GJA3: variants seen among roughly 807,000 people sequenced by gnomAD.
GJA3 encodes gap junction protein alpha 3, also known as gap junction alpha-3 protein.
For missense variants in GJA3, 571 were observed against 620.3 expected (o/e 0.92, Z 0.84); for synonymous variants, 297 against 292.6 (o/e 1.02, Z -0.15).
Position 20,142,345 on chromosome 13 carries a change from T to C in GJA3, c.944A>G (p.Tyr315Cys), listed in dbSNP as rs771617085. Residue 315 changes from tyrosine to cysteine, a missense_variant, in exon 2 of 2, where the codon TAC (tyrosine) becomes TGC (cysteine). Transcript: ENST00000241125. ...CATCAGCAGGTGGTGGTGGCCGTTG[T>C]AGAGCTTGGCGGACTGGCCCTTTCC... The part of the protein sequence containing the change: ...ARGKGQSAKL[Y>C]NGHHHLLMTE... 1.3e-6 allele frequency: 2 copies of C among 1,557,288 alleles called. No homozygotes were observed. Among genetic ancestry groups the C allele is most frequent in the Middle Eastern group, 1.7e-4 (1 of 5,944 alleles).
chr13:20,147,396 T>A (rs1478824517), intron 1 of GJA3, among the ~76,000 whole-genome samples: 5 of 152,206 alleles, frequency 3.3e-5, no homozygotes, highest in African/African-American at 1.2e-4. Context: ...TAAAGTCTGG[T>A]AAAAATGAAA....
At chr13:20,160,200 G>A (rs34509316) in intron 1 of GJA3, among the ~76,000 whole-genome samples, 113 of 152,300 alleles carry the variant, frequency 7.4e-4, no homozygotes, top group Non-Finnish European at 1.5e-3. Flanking sequence ...CCTACGGGAA[G>A]GGGCTCGGAC....
upstream of GJA3, among the ~76,000 whole-genome samples, chr13:20,161,313 T>G (rs1447647891): frequency 6.6e-6 from 1 of 152,030 alleles, no homozygotes; most frequent in Non-Finnish European, 1.5e-5. Flanking sequence ...CCCTGCCGCC[T>G]ACGCACTCCG....
intron 1 of GJA3, among the ~76,000 whole-genome samples, chr13:20,153,841 A>G (rs550124095): frequency 2.1e-4 from 32 of 152,214 alleles, no homozygotes; most frequent in Non-Finnish European, 3.7e-4. Context: ...AAGCTGGTTT[A>G]GAGTCACTTA....
chr13:20,145,691 C>T (rs147534480), intron 1 of GJA3, among the ~76,000 whole-genome samples: 22 of 152,350 alleles, frequency 1.4e-4, no homozygotes, highest in Non-Finnish European at 2.5e-4. Context: ...GGCCTCTGTA[C>T]ATGCTGTTTC....
In GJA3 at chr13:20,145,004, A is replaced by G. The variant is rs1237875788; in HGVS notation, c.-17-1699T>C. Among the ~76,000 whole-genome samples, 4 of 152,288 alleles carry G rather than the reference A, an allele frequency of 2.6e-5. No individual in the cohort carries two copies. In the East Asian group the frequency reaches 7.7e-4, roughly 29 times the overall value. On this transcript the variant is annotated intron_variant, in intron 1 of 1. Transcript: ENST00000241125. ...AAGAATAGCCTGGCCCACATGGTGA[A>G]ACCTCATCTCTACTAATAATACATA...
intron 1 of GJA3, among the ~76,000 whole-genome samples, chr13:20,154,906 A>G (rs1453222923): frequency 1.3e-5 from 2 of 152,210 alleles, no homozygotes; most frequent in Non-Finnish European, 2.9e-5. Context: ...GATGGAATAC[A>G]GTGGCATGAT....
At chr13:20,150,302 C>T (rs916074456) in intron 1 of GJA3, among the ~76,000 whole-genome samples, 2 of 151,760 alleles carry the variant, frequency 1.3e-5, no homozygotes, top group Admixed American at 1.3e-4. Flanking sequence ...TGCACTGCAG[C>T]TTCCCCTTTC....
chr13:20,145,554 CA>C (rs1958836804), intron 1 of GJA3, among the ~76,000 whole-genome samples: 1 of 152,204 alleles, frequency 6.6e-6, no homozygotes, highest in Admixed American at 6.5e-5. Flanking sequence ...ACCAGGCCCC[CA>C]ATGGCATCTA....
chr13:20,146,130 G>A (rs1264029885), intron 1 of GJA3, among the ~76,000 whole-genome samples: 9 of 152,194 alleles, frequency 5.9e-5, no homozygotes, highest in African/African-American at 2.2e-4. Context: ...CCTCATACTT[G>A]CTCCAGCAGT....
Position 20,141,952 on chromosome 13 carries a change from A to T in GJA3, c.*29T>A, listed in dbSNP as rs1480162444. On this transcript the variant is annotated 3_prime_UTR_variant, in exon 2 of 2. Coordinates refer to ENST00000241125, the MANE Select transcript of GJA3 (RefSeq NM_021954.4). ...TGGTTTCTAAGAAAAAGATCACTAC[A>T]CAGCTGTCTGGAGGCAGGCACCCGG... 3.2e-6 allele frequency: 5 copies of T among 1,549,682 alleles called. No homozygotes were observed. The highest frequency in any genetic ancestry group is 4.4e-6 in the Non-Finnish European group (5 of 1,146,462).
rs191697419 is a variant in GJA3 at position 20,140,079 on chromosome 13, T to A, written c.*1902A>T. 1 of 152,322 alleles carries A rather than the reference T, an allele frequency of 6.6e-6. No individual in the cohort carries two copies. Among genetic ancestry groups the A allele is most frequent in the Admixed American group, 6.5e-5 (1 of 15,292 alleles). 9.4% of individuals were successfully genotyped at this position (152,322 alleles called of 1,614,324 possible). A position where few individuals can be genotyped will look rare whatever the true frequency, so the allele number is the denominator to read the frequency against. On this transcript the variant is annotated 3_prime_UTR_variant, in exon 2 of 2. Transcript: ENST00000241125. ...GGCCTATGGCATACACTGCATGTAA[T>A]GAGTGAACTTCGGAGAGAAGTTATG... is the stretch of plus-strand genomic sequence containing the variant.
intron 1 of GJA3, among the ~76,000 whole-genome samples, chr13:20,158,719 C>A (rs61950898): frequency 0.036 from 5,431 of 151,736 alleles, 148 homozygotes; most frequent in Non-Finnish European, 0.054. Context: ...TGAGACCAGC[C>A]TGTCCAACAT....
chr13:20,142,805 C>T lies in GJA3; in HGVS notation c.484G>A (p.Gly162Ser), dbSNP rs1376657755. 5 of 1,613,660 alleles carry T rather than the reference C, an allele frequency of 3.1e-6. No homozygotes were observed. In the South Asian group the frequency reaches 5.5e-5, roughly 18 times the overall value. ...AGAAAGTACTGGCCGGCGATGAAGCCCACCTCGAACAGCGTCTTGAAGATG... is the reference window on the plus strand; with the variant it reads ...AGAAAGTACTGGCCGGCGATGAAGCTCACCTCGAACAGCGTCTTGAAGATG... The part of the protein sequence containing the change: ...NIIFKTLFEV[G>S]FIAGQYFLYG... Residue 162 changes from glycine (G) to serine (S), a missense_variant, in exon 2 of 2, where the codon GGC becomes AGC. Physicochemically the swap from Gly to Ser is moderately conservative, Grantham distance 56. Transcript: ENST00000241125.
At position 20,141,226 on chromosome 13, in the gene GJA3, T is replaced by C. The variant is rs1333891124; in HGVS notation, c.*755A>G. On this transcript the variant is annotated 3_prime_UTR_variant, in exon 2 of 2. Coordinates refer to ENST00000241125, the MANE Select transcript of GJA3 (RefSeq NM_021954.4). Reference sequence around the variant, plus strand: ...ACAAAATAATCATTTAGAAAATAAATACCTACGGCATACCCGACACACTTT... The same window carrying C: ...ACAAAATAATCATTTAGAAAATAAACACCTACGGCATACCCGACACACTTT... 6.6e-6 allele frequency: 1 copy of C among 152,184 alleles called. No homozygotes were observed. The highest frequency in any genetic ancestry group is 1.5e-5 in the Non-Finnish European group (1 of 68,016). 9.4% of individuals were successfully genotyped at this position (152,184 alleles called of 1,614,324 possible).
In GJA3 at chr13:20,139,941, G is replaced by A. The variant is rs1958797686; in HGVS notation, c.*2040C>T. Reference sequence around the variant, plus strand: ...TACTTGAGCTGTACTTGTGCTCTTGGATGATTGCTATTGCATTTTCTAAAA... The same window carrying A: ...TACTTGAGCTGTACTTGTGCTCTTGAATGATTGCTATTGCATTTTCTAAAA... On this transcript the variant is annotated 3_prime_UTR_variant, in exon 2 of 2. Coordinates refer to ENST00000241125, the MANE Select transcript of GJA3 (RefSeq NM_021954.4). 1 of 152,166 alleles carries A rather than the reference G, an allele frequency of 6.6e-6. No homozygotes were observed. Among genetic ancestry groups the A allele is most frequent in the Admixed American group, 6.5e-5 (1 of 15,276 alleles). The allele number at this position is 152,166 out of a possible 1,614,324, so 9.4% of individuals were successfully genotyped here. A position where few individuals can be genotyped will look rare whatever the true frequency, so the allele number is the denominator to read the frequency against.
At chr13:20,152,104 G>A (rs897787993) in intron 1 of GJA3, among the ~76,000 whole-genome samples, 1 of 152,162 alleles carries the variant, frequency 6.6e-6, no homozygotes, top group African/African-American at 2.4e-5. Flanking sequence ...TAAAATGCCT[G>A]AGACGTGTGA....
chr13:20,152,774 TTG>T (rs982223095), intron 1 of GJA3, among the ~76,000 whole-genome samples: 1 of 152,200 alleles, frequency 6.6e-6, no homozygotes, highest in African/African-American at 2.4e-5. Context: ...TATTAAGTGT[TTG>T]TGATTGCCTG....
At position 20,142,753 on chromosome 13, in the gene GJA3, T is replaced by G; in HGVS notation, c.536A>C (p.Tyr179Ser). The G allele has an allele frequency of 6.2e-7, 1 of 1,613,558 alleles. No individual in the cohort carries two copies. Among genetic ancestry groups the G allele is most frequent in the Non-Finnish European group, 8.5e-7 (1 of 1,179,920 alleles). ...FLYGFELKPL[Y>S]RCDRWPCPNT... ...GGGGCAGGGCCAGCGGTCGCAGCGGTAGAGCGGCTTCAGCTCGAAGCCGTA... is the reference window on the plus strand; with the variant it reads ...GGGGCAGGGCCAGCGGTCGCAGCGGGAGAGCGGCTTCAGCTCGAAGCCGTA... The change falls in exon 2 of 2, where the codon TAC becomes TCC. Residue 179 changes from tyrosine (Y) to serine (S), a missense_variant. Transcript: ENST00000241125.
Sources: allele counts gnomAD v4.1 joint callset (sites outside exome capture counted in the v4.1 genomes callset), GRCh38; gene constraint gnomAD v4.1.1; transcripts MANE v1.5; gene names NCBI Gene and HGNC (gene_info 2026-07-23, HGNC 2026-07-21).